The following TRAF2 variants were observed in gnomAD, a reference collection of about 807,000 sequenced individuals.
The protein encoded by TRAF2 is TNF receptor-associated factor 2.
In TRAF2, 6 loss-of-function variants were observed where a neutral mutation model predicts 55.6. The ratio of observed to expected loss-of-function variants is 0.11; its 90% CI spans 0.06 to 0.21. The LOEUF (loss-of-function observed/expected upper bound fraction) is 0.21, where lower values mean the gene tolerates loss of function less well. TRAF2 is among the 10% of genes least tolerant of loss of function. The pLI, the probability that TRAF2 is intolerant of heterozygous loss-of-function variation, is 1.00. For missense variants in TRAF2, 561 were observed against 684.5 expected (o/e 0.82, Z 2.01); for synonymous variants, 329 against 276.3 (o/e 1.19, Z -1.89).
intron 4 of TRAF2, among the ~76,000 whole-genome samples, chr9:136,903,624 C>T (rs192630597): frequency 2.0e-5 from 3 of 151,136 alleles, no homozygotes; most frequent in African/African-American, 7.3e-5. Context: ...TGCAGGACAA[C>T]CCTGGTCCCA....
In TRAF2 at chr9:136,925,972, G is replaced by A; in HGVS notation, c.*71G>A. 1 of 1,560,662 alleles carries A rather than the reference G, an allele frequency of 6.4e-7. No individual in the cohort carries two copies. Among genetic ancestry groups the A allele is most frequent in the Non-Finnish European group, 8.8e-7 (1 of 1,138,228 alleles). On this transcript the variant is annotated 3_prime_UTR_variant, in exon 11 of 11. Coordinates refer to ENST00000247668, the MANE Select transcript of TRAF2 (RefSeq NM_021138.4). Reference sequence around the variant, plus strand: ...CGGCTCACGGAGGGGCCACCACGCTGGGCCAGGGTCTCACTGTACAAGTGG... The same window carrying A: ...CGGCTCACGGAGGGGCCACCACGCTAGGCCAGGGTCTCACTGTACAAGTGG...
At chr9:136,921,691 C>T (rs1850389003) in intron 9 of TRAF2, among the ~76,000 whole-genome samples, 1 of 135,538 alleles carries the variant, frequency 7.4e-6, no homozygotes, top group African/African-American at 2.6e-5. Context: ...CTCACACTCC[C>T]CCACCTTTTT....
intron 6 of TRAF2, among the ~76,000 whole-genome samples, chr9:136,912,950 T>TG (rs1426463242): frequency 2.6e-5 from 4 of 152,162 alleles, no homozygotes; most frequent in Admixed American, 6.5e-5. Context: ...CTGTCCAACA[T>TG]GGCAAAACCC....
In TRAF2 at chr9:136,920,274, T is replaced by C; in HGVS notation, c.719T>C (p.Leu240Pro). 1 of 1,613,364 alleles carries C rather than the reference T, an allele frequency of 6.2e-7. No individual in the cohort carries two copies. The change falls in exon 8 of 11, where the codon CTG (leucine) becomes CCG (proline). Residue 240 changes from leucine to proline, a missense_variant. This residue lies in a region of TRAF2 where 426 missense variants were observed against 476.8 expected (regional missense o/e 0.89). Transcript: ENST00000247668. Reference sequence around the variant, plus strand: ...CAGCAGGAGCACGAGGTGCAGTGGCTGCGGGAGCACCTGGCCATGCTACTG... The same window carrying C: ...CAGCAGGAGCACGAGGTGCAGTGGCCGCGGGAGCACCTGGCCATGCTACTG... The part of the protein sequence containing the change: ...EKQQEHEVQW[L>P]REHLAMLLSS...
intron 3 of TRAF2, 68 bp from the exon 4 acceptor site, chr9:136,900,353 GT>G: frequency 2.6e-6 from 3 of 1,148,594 alleles, no homozygotes; most frequent in Admixed American, 2.3e-5. Context: ...TGGACGTGTG[GT>G]CTGTGTTCCT....
At position 136,925,978 on chromosome 9, in the gene TRAF2, G is replaced by A. The variant is rs765847197; in HGVS notation, c.*77G>A. 15 of 1,551,312 alleles carry A rather than the reference G, an allele frequency of 9.7e-6. No individual in the cohort carries two copies. In the African/African-American group the frequency reaches 1.6e-4, roughly 17 times the overall value. ...ACGGAGGGGCCACCACGCTGGGCCA[G>A]GGTCTCACTGTACAAGTGGGCAGGG... On this transcript the variant is annotated 3_prime_UTR_variant, in exon 11 of 11. Transcript: ENST00000247668.
chr9:136,903,047 G>T (rs954707241), intron 4 of TRAF2, among the ~76,000 whole-genome samples: 2 of 152,022 alleles, frequency 1.3e-5, no homozygotes, highest in Non-Finnish European at 2.9e-5. Flanking sequence ...GCTCACTGCA[G>T]CCTCCACCTC....
chr9:136,896,375 G>C (rs538715202), intron 1 of TRAF2, among the ~76,000 whole-genome samples: 112 of 152,324 alleles, frequency 7.4e-4, no homozygotes, highest in African/African-American at 2.6e-3. Context: ...CCTCATGACC[G>C]GCCCTGGTTC....
chr9:136,895,471 GCCC>G, intron 1 of TRAF2, among the ~76,000 whole-genome samples: 1 of 152,334 alleles, frequency 6.6e-6, no homozygotes, highest in Non-Finnish European at 1.5e-5. Context: ...GAACAGCAAG[GCCC>G]CCATCTTGGG....
chr9:136,924,841 C>T (rs573298377), intron 10 of TRAF2, among the ~76,000 whole-genome samples: 20 of 152,132 alleles, frequency 1.3e-4, no homozygotes, highest in Admixed American at 2.0e-4. Context: ...TGGGTTCAAG[C>T]GATTCTCCTG....
At chr9:136,908,361 GAC>G in intron 5 of TRAF2, 130 bp downstream of exon 5, 3 of 1,043,724 alleles carry the variant, frequency 2.9e-6, no homozygotes, top group South Asian at 3.4e-5. Flanking sequence ...TTTCCCTGGA[GAC>G]ACGCGGGCGG....
intron 8 of TRAF2, 29 bp downstream of exon 8, chr9:136,920,544 A>AG (rs1183083283): frequency 6.3e-7 from 1 of 1,590,680 alleles, no homozygotes; most frequent in Non-Finnish European, 8.6e-7. Context: ...GCCAGCCATG[A>AG]GGAGGACAGT....
intron 4 of TRAF2, among the ~76,000 whole-genome samples, chr9:136,904,013 T>C (rs1165363118): frequency 6.6e-6 from 1 of 152,188 alleles, no homozygotes; most frequent in East Asian, 1.9e-4. Context: ...ATTTCGAGCA[T>C]GCAGCGCATC....
At chr9:136,890,092 G>C (rs537317309) in intron 1 of TRAF2, among the ~76,000 whole-genome samples, 1 of 137,588 alleles carries the variant, frequency 7.3e-6, no homozygotes, top group Non-Finnish European at 1.5e-5. Context: ...CCCACCGCAC[G>C]CTTGTTCAGC....
intron 1 of TRAF2, among the ~76,000 whole-genome samples, chr9:136,895,528 T>C (rs906090725): frequency 2.0e-5 from 3 of 152,030 alleles, no homozygotes; most frequent in African/African-American, 7.2e-5. Context: ...CTGTCCTTCC[T>C]GGAGAAAAAA....
chr9:136,894,530 G>A (rs892480023), intron 1 of TRAF2, among the ~76,000 whole-genome samples: 6 of 152,104 alleles, frequency 3.9e-5, no homozygotes, highest in East Asian at 1.9e-4. Flanking sequence ...GACCAGCACC[G>A]GGGCTCTTCC....
intron 6 of TRAF2, 62 bp downstream of exon 6, chr9:136,910,056 T>C: frequency 1.3e-6 from 2 of 1,487,084 alleles, no homozygotes; most frequent in Non-Finnish European, 1.9e-6. Context: ...GACGTGAGGG[T>C]CCCGTGGGTG....
chr9:136,912,075 G>A (rs1008957981), intron 6 of TRAF2, among the ~76,000 whole-genome samples: 2 of 149,890 alleles, frequency 1.3e-5, no homozygotes, highest in African/African-American at 2.5e-5. Context: ...GGATGGTGTC[G>A]ATCTCCTGAC....
chr9:136,883,437 T>C (rs1300286564), upstream of TRAF2, among the ~76,000 whole-genome samples: 2 of 152,158 alleles, frequency 1.3e-5, no homozygotes, highest in African/African-American at 4.8e-5. Context: ...TGTCACCCCA[T>C]GTTGGAGGCC....
Sources: allele counts gnomAD v4.1 joint callset (sites outside exome capture counted in the v4.1 genomes callset), GRCh38; gene constraint gnomAD v4.1.1; regional missense constraint gnomAD v4.1.1; transcripts MANE v1.5; gene names NCBI Gene and HGNC (gene_info 2026-07-23, HGNC 2026-07-21).